Variants in DAB1 observed in about 807,000 individuals in gnomAD.
DAB1 encodes the protein disabled homolog 1.
A neutral mutation model predicts 64.6 loss-of-function variants in DAB1; 15 were observed. The ratio of observed to expected loss-of-function variants is 0.23; its 90% confidence interval spans 0.16 to 0.36. The LOEUF is 0.36. Among genes scored for constraint, DAB1 ranks in the 10% least tolerant of loss-of-function variants. DAB1 has a pLI of 1.00. For synonymous variants in DAB1, 235 were observed against 251.9 expected (o/e 0.93, Z 0.64); for missense variants, 596 against 706.7 (o/e 0.84, Z 1.78).
chr1:58,167,713 A>G (rs1442831656), intron 4 of DAB1, among the ~76,000 whole-genome samples: 1 of 152,168 alleles, frequency 6.6e-6, no homozygotes, highest in East Asian at 1.9e-4. Context: ...TTCATTCCTG[A>G]AGTCAGTGAA....
chr1:58,379,167 AC>A, intron 3 of DAB1, among the ~76,000 whole-genome samples: 1 of 152,096 alleles, frequency 6.6e-6, no homozygotes, highest in Non-Finnish European at 1.5e-5. Context: ...GGAGCTGTAG[AC>A]CGGAGCTGTT....
intron 7 of DAB1, among the ~76,000 whole-genome samples, chr1:57,562,368 G>A (rs535030008): frequency 6.6e-6 from 1 of 152,088 alleles, no homozygotes; most frequent in Non-Finnish European, 1.5e-5. Context: ...CTGAGACTCC[G>A]TCTCAAAAAA....
At chr1:57,700,175 C>T (rs1646891286) in intron 6 of DAB1, among the ~76,000 whole-genome samples, 1 of 152,142 alleles carries the variant, frequency 6.6e-6, no homozygotes, top group African/African-American at 2.4e-5. Flanking sequence ...ACAGCCATTA[C>T]TTGAGTTCAG....
chr1:57,312,376 GT>G (rs1361409668), intron 1 of DAB1, among the ~76,000 whole-genome samples: 1 of 150,612 alleles, frequency 6.6e-6, no homozygotes, highest in African/African-American at 2.5e-5. Context: ...TCCCTTAGTA[GT>G]CACTCAAAAA....
intron 7 of DAB1, among the ~76,000 whole-genome samples, chr1:57,602,305 G>A (rs1376768109): frequency 6.6e-6 from 1 of 152,150 alleles, no homozygotes; most frequent in Non-Finnish European, 1.5e-5. Flanking sequence ...TAGATACGAT[G>A]ATCCTTGTGA....
chr1:58,332,827 TTC>T (rs890428867), intron 4 of DAB1, among the ~76,000 whole-genome samples: 45 of 152,328 alleles, frequency 3.0e-4, no homozygotes, highest in African/African-American at 9.9e-4. Flanking sequence ...CAGCTTTATT[TTC>T]TCTCATACTT....
rs115315566 is a variant in DAB1 at position 58,439,870 on chromosome 1, A to T, written n.257+66190T>A. 1.0e-2 allele frequency among the ~76,000 whole-genome samples: 1,516 copies of T among 152,226 alleles called. 21 individuals carry two copies. Among genetic ancestry groups the T allele is most frequent in the African/African-American group, 0.035 (1,461 of 41,522 alleles). On this transcript the variant is annotated intron_variant and non_coding_transcript_variant, in intron 3 of 20. Transcript: ENST00000485760. ...AAGATCTGTATTTTCAGCCTCATTA[A>T]CCCACTTTTCATCTCCTGCCTACTT... is the stretch of plus-strand genomic sequence containing the variant.
At chr1:57,105,714 A>G (rs1490484819) in intron 4 of DAB1, among the ~76,000 whole-genome samples, 5 of 152,182 alleles carry the variant, frequency 3.3e-5, no homozygotes. Flanking sequence ...AACAGTCTGC[A>G]AAGACAGCCT....
chr1:57,828,197 C>T (rs186752960), intron 1 of DAB1, among the ~76,000 whole-genome samples: 265 of 152,066 alleles, frequency 1.7e-3, no homozygotes, highest in African/African-American at 5.8e-3. Context: ...CGCCCGCCTC[C>T]GCCTTCCAAA....
intron 1 of DAB1, among the ~76,000 whole-genome samples, chr1:57,326,970 A>C (rs1278194192): frequency 6.6e-6 from 1 of 151,782 alleles, no homozygotes; most frequent in Admixed American, 6.6e-5. Flanking sequence ...ACAGGTTTGC[A>C]CTCTGTTGCC....
intron 5 of DAB1, among the ~76,000 whole-genome samples, chr1:57,928,543 T>C (rs146325696): frequency 6.6e-6 from 1 of 152,356 alleles, no homozygotes; most frequent in Non-Finnish European, 1.5e-5. Flanking sequence ...GACTTGTATC[T>C]ACCAGTGCAG....
intron 1 of DAB1, among the ~76,000 whole-genome samples, chr1:57,308,852 C>T: frequency 6.6e-6 from 1 of 152,074 alleles, no homozygotes; most frequent in Non-Finnish European, 1.5e-5. Flanking sequence ...TGGTAAATGG[C>T]TGTAACCAAG....
chr1:57,108,323 C>A (rs191275161), intron 4 of DAB1, among the ~76,000 whole-genome samples: 15 of 152,240 alleles, frequency 9.9e-5, no homozygotes, highest in Admixed American at 6.5e-4. Context: ...AGAAACGTTT[C>A]ATTACTAGTT....
At chr1:57,760,356 T>C (rs1649017912) in intron 6 of DAB1, among the ~76,000 whole-genome samples, 1 of 152,128 alleles carries the variant, frequency 6.6e-6, no homozygotes, top group South Asian at 2.1e-4. Context: ...TAAATACTTC[T>C]TGAATTTAAA....
At chr1:57,082,124 A>G (rs1457562981) in intron 4 of DAB1, among the ~76,000 whole-genome samples, 1 of 152,228 alleles carries the variant, frequency 6.6e-6, no homozygotes, top group African/African-American at 2.4e-5. Flanking sequence ...ATCTAGTGAG[A>G]GAATCAGAGA....
chr1:57,932,359 T>A (rs547133265), intron 5 of DAB1, among the ~76,000 whole-genome samples: 1 of 152,222 alleles, frequency 6.6e-6, no homozygotes, highest in African/African-American at 2.4e-5. Flanking sequence ...AGTTGATTGA[T>A]GGCATTTTTT....
At chr1:57,522,075 A>C (rs1044098828) in intron 7 of DAB1, among the ~76,000 whole-genome samples, 2 of 151,678 alleles carry the variant, frequency 1.3e-5, no homozygotes, top group East Asian at 3.9e-4. Flanking sequence ...GTGCCACTGC[A>C]CTCCAGCCTG....
intron 5 of DAB1, among the ~76,000 whole-genome samples, chr1:58,057,524 A>C (rs749957211): frequency 1.3e-4 from 20 of 152,214 alleles, no homozygotes; most frequent in Admixed American, 2.6e-4. Context: ...ACCGAGACAC[A>C]CATAAGTAGA....
chr1:57,139,259 G>T (rs981101251), intron 3 of DAB1, among the ~76,000 whole-genome samples: 1 of 152,114 alleles, frequency 6.6e-6, no homozygotes, highest in Non-Finnish European at 1.5e-5. Context: ...AAAGGCTTCA[G>T]AGAAGGAGTT....
Sources: gnomAD v4.1 joint callset for allele counts (sites outside exome capture counted in the v4.1 genomes callset) on GRCh38, gnomAD v4.1.1 for gene constraint, MANE v1.5 for transcripts, NCBI Gene and HGNC (gene_info 2026-07-23, HGNC 2026-07-21) for gene names.